SRFBP1: variants seen among roughly 807,000 people sequenced by gnomAD.
SRFBP1 encodes serum response factor-binding protein 1.
A neutral mutation model predicts 45.5 loss-of-function variants in SRFBP1; 47 were observed. That is an observed-to-expected ratio of 1.03 (90% CI 0.82 to 1.32). SRFBP1 has a LOEUF of 1.32. SRFBP1 is among the 40% of genes most tolerant of loss of function. SRFBP1 has a pLI of 0.00. For missense variants in SRFBP1, 621 were observed against 484.6 expected (o/e 1.28, Z -2.64); for synonymous variants, 203 against 166.3 (o/e 1.22, Z -1.70).
chr5:122,008,266 CCG>C, intron 4 of SRFBP1, among the ~76,000 whole-genome samples: 1 of 151,994 alleles, frequency 6.6e-6, no homozygotes, highest in East Asian at 1.9e-4. Context: ...CTTGGGACAA[CCG>C]AGAGACACAA....
intron 2 of SRFBP1, chr5:122,066,102 G>A (rs926517108): frequency 1.3e-5 from 2 of 152,044 alleles, no homozygotes; most frequent in Admixed American, 6.6e-5. Context: ...ATGAAATTGT[G>A]CACTTGAAAG....
At chr5:122,064,974 T>C (rs1392461229) in intron 2 of SRFBP1, 1 of 152,082 alleles carries the variant, frequency 6.6e-6, no homozygotes, top group Non-Finnish European at 1.5e-5. Flanking sequence ...AAAGCAAGTA[T>C]ATTAAAATAT....
At chr5:122,068,602 C>G (rs1208239077) in intron 2 of SRFBP1, among the ~76,000 whole-genome samples, 1 of 152,106 alleles carries the variant, frequency 6.6e-6, no homozygotes, top group Non-Finnish European at 1.5e-5. Context: ...CTGTACCTGA[C>G]AATGGGTATA....
At chr5:122,072,286 A>G (rs1754473218) in intron 2 of SRFBP1, among the ~76,000 whole-genome samples, 1 of 152,220 alleles carries the variant, frequency 6.6e-6, no homozygotes, top group South Asian at 2.1e-4. Flanking sequence ...TTATTTGCAC[A>G]AGCAAGCAAA....
chr5:122,023,000 G>C (rs1753394202), intron 7 of SRFBP1, among the ~76,000 whole-genome samples: 1 of 152,166 alleles, frequency 6.6e-6, no homozygotes, highest in Non-Finnish European at 1.5e-5. Context: ...TCCTCCTCCA[G>C]GTTCCAAATA....
intron 4 of SRFBP1, among the ~76,000 whole-genome samples, chr5:122,001,671 C>G (rs1165291058): frequency 6.6e-6 from 1 of 150,662 alleles, no homozygotes; most frequent in African/African-American, 2.4e-5. Flanking sequence ...ACGCCATTCT[C>G]CTGCCTCAGC....
intron 1 of SRFBP1, among the ~76,000 whole-genome samples, chr5:121,968,300 A>G (rs962146049): frequency 1.3e-5 from 2 of 151,602 alleles, no homozygotes; most frequent in Non-Finnish European, 2.9e-5. Context: ...GCAGAAATAC[A>G]CTGGATGTAT....
At chr5:121,976,381 C>T (rs1752304470) in intron 3 of SRFBP1, among the ~76,000 whole-genome samples, 1 of 151,454 alleles carries the variant, frequency 6.6e-6, no homozygotes, top group Non-Finnish European at 1.5e-5. Flanking sequence ...CCTTTTTATT[C>T]AGTCCTTCAG....
chr5:121,991,695 T>G (rs975201922), intron 3 of SRFBP1, among the ~76,000 whole-genome samples: 6 of 152,180 alleles, frequency 3.9e-5, no homozygotes, highest in Non-Finnish European at 1.5e-5. Flanking sequence ...AAGTCTTAGT[T>G]TCTCATTGTT....
downstream of SRFBP1, chr5:122,077,314 C>G (rs750377975): frequency 1.4e-5 from 23 of 1,612,168 alleles, no homozygotes; most frequent in East Asian, 2.2e-5. This position sits in a 1 kb window ranked among gnomAD's most constrained non-coding sequence, Gnocchi z 4.9. Flanking sequence ...TAGCTGGGGA[C>G]CAGGTGCACG....
At chr5:122,028,647 G>C (rs1487283066), downstream of SRFBP1, 1 of 151,910 alleles carries the variant, frequency 6.6e-6, no homozygotes, top group Non-Finnish European at 1.5e-5. Flanking sequence ...TGGAATTCAA[G>C]GGATTATGCA....
downstream of SRFBP1, among the ~76,000 whole-genome samples, chr5:122,033,633 A>G (rs962345185): frequency 6.7e-6 from 1 of 148,908 alleles, no homozygotes; most frequent in Non-Finnish European, 1.5e-5. Flanking sequence ...GGTTTTTTAT[A>G]GTTTTAGTAG....
downstream of SRFBP1, chr5:122,077,563 G>A (rs1334465398): frequency 1.9e-6 from 3 of 1,613,086 alleles, no homozygotes; most frequent in Non-Finnish European, 2.5e-6. This position sits in a 1 kb window ranked among gnomAD's most constrained non-coding sequence, Gnocchi z 4.9. Flanking sequence ...GGTTCTCCGC[G>A]CGCGAGGCGC....
At position 121,986,663 on chromosome 5, in the gene SRFBP1, A is replaced by G. The variant is rs1450522874; in HGVS notation, c.199-7936A>G. 2.0e-5 allele frequency among the ~76,000 whole-genome samples: 3 copies of G among 151,982 alleles called. No individual in the cohort carries two copies. In the South Asian group the frequency reaches 6.2e-4, roughly 32 times the overall value. Reference sequence around the variant, plus strand: ...GCCTACATAGCTTGTTTGAGACCCTAATTTGAATCCCATTTGTCCTTTTCT... The same window carrying G: ...GCCTACATAGCTTGTTTGAGACCCTGATTTGAATCCCATTTGTCCTTTTCT... On this transcript the variant is annotated intron_variant, in intron 3 of 7. Transcript: ENST00000339397.
intron 4 of SRFBP1, among the ~76,000 whole-genome samples, chr5:122,012,687 C>T (rs1361305827): frequency 6.6e-6 from 1 of 152,006 alleles, no homozygotes; most frequent in African/African-American, 2.4e-5. Flanking sequence ...TATGTCTCTC[C>T]TACAATACAT....
intron 2 of SRFBP1, chr5:122,065,321 A>G (rs892492855): frequency 6.6e-6 from 1 of 152,070 alleles, no homozygotes; most frequent in African/African-American, 2.4e-5. Flanking sequence ...TCCACCTAAC[A>G]TGTTCTGGCA....
intron 2 of SRFBP1, among the ~76,000 whole-genome samples, chr5:122,054,802 T>G (rs542719927): frequency 1.3e-5 from 2 of 152,358 alleles, no homozygotes; most frequent in African/African-American, 4.8e-5. Context: ...TATTTTTAAA[T>G]TGCATATTTT....
In SRFBP1 at chr5:121,963,943, G is replaced by GA. The variant is rs904970653; in HGVS notation, c.36+1885dup. Among the ~76,000 whole-genome samples, 213 of 146,522 alleles carry GA rather than the reference G, an allele frequency of 1.5e-3. 2 individuals carry two copies. Among genetic ancestry groups the GA allele is most frequent in the Middle Eastern group, 7.1e-3 (2 of 282 alleles). ...AAAGAAAAGAAATGACAACCAACTA[G>GA]AAAAAAAAAATACAGCAGATATGAC... On this transcript the variant is annotated intron_variant, in intron 1 of 7. Coordinates refer to ENST00000339397, the MANE Select transcript of SRFBP1 (RefSeq NM_152546.3).
rs759903849 is a variant in SRFBP1 at position 122,020,775 on chromosome 5, C to G, written c.1040C>G (p.Ser347Cys). ...AAGTTAGAATCAGTGTTTTTCCACT[C>G]TTTATCTGGATCTAAAAGCTCTAGA... ...TRKLESVFFH[S>C]LSGSKSSRRN... The change falls in exon 6 of 8, where the codon TCT (serine) becomes TGT (cysteine). Residue 347 changes from serine (S) to cysteine (C), a missense_variant. Physicochemically the swap from Ser to Cys is moderately radical, Grantham distance 112. Coordinates refer to ENST00000339397, the MANE Select transcript of SRFBP1 (RefSeq NM_152546.3). 1.3e-5 allele frequency: 20 copies of G among 1,578,310 alleles called. No homozygotes were observed. The highest frequency in any genetic ancestry group is 1.7e-5 in the Non-Finnish European group (20 of 1,167,554).
Sources: gnomAD v4.1 joint callset for allele counts (sites outside exome capture counted in the v4.1 genomes callset) on GRCh38, gnomAD v4.1.1 for gene constraint, Gnocchi (gnomAD v3.1) non-coding constraint, MANE v1.5 for transcripts, NCBI Gene and HGNC (gene_info 2026-07-23, HGNC 2026-07-21) for gene names.